EDC3: variants seen among roughly 807,000 people sequenced by gnomAD.
EDC3 encodes enhancer of mRNA decapping 3, also known as enhancer of mRNA-decapping protein 3.
A neutral mutation model predicts 41.8 loss-of-function variants in EDC3; 20 were observed. That is an observed-to-expected ratio of 0.48 (90% CI 0.34 to 0.70). The LOEUF is 0.70. Among genes scored for constraint, EDC3 ranks in the 30% least tolerant of loss-of-function variants. The pLI is 0.01. For missense variants in EDC3, 444 were observed against 636.8 expected, an observed-to-expected ratio of 0.70 and a Z score of 3.26; for synonymous variants, 206 against 243.2, an observed-to-expected ratio of 0.85 and a Z score of 1.42.
chr15:74,666,130 A>G (rs1168222737), intron 3 of EDC3, among the ~76,000 whole-genome samples: 1 of 152,162 alleles, frequency 6.6e-6, no homozygotes, highest in Non-Finnish European at 1.5e-5. Context: ...TCATCAATCT[A>G]CTAGTCTCAA....
At chr15:74,642,539 C>T (rs1320239568) in intron 4 of EDC3, 1 of 152,262 alleles carries the variant, frequency 6.6e-6, no homozygotes, top group Non-Finnish European at 1.5e-5. Context: ...ACCTGTCAGA[C>T]AAGTCATGCA....
intron 3 of EDC3, among the ~76,000 whole-genome samples, chr15:74,657,465 C>T (rs1489481460): frequency 1.3e-5 from 2 of 152,240 alleles, no homozygotes; most frequent in South Asian, 2.1e-4. Context: ...CTTGTTCTCT[C>T]GCACACTCCC....
At chr15:74,640,655 C>A (rs779715015) in intron 4 of EDC3, 36 bp from the exon 5 acceptor site, 1 of 1,613,518 alleles carries the variant, frequency 6.2e-7, no homozygotes, top group South Asian at 1.1e-5. Flanking sequence ...GGGAAAGTGA[C>A]TACAGAAACC....
At chr15:74,693,444 A>G (rs983184543) in intron 1 of EDC3, among the ~76,000 whole-genome samples, 1 of 152,166 alleles carries the variant, frequency 6.6e-6, no homozygotes, top group Admixed American at 6.5e-5. Flanking sequence ...TCTGGCAATC[A>G]CCAACCAAAT....
chr15:74,631,509 G>A lies in EDC3; in HGVS notation c.*1103C>T, dbSNP rs192154403. 1 of 152,388 alleles carries A rather than the reference G, an allele frequency of 6.6e-6. No homozygotes were observed. Among genetic ancestry groups the A allele is most frequent in the African/African-American group, 2.4e-5 (1 of 41,570 alleles). 9.4% of individuals were successfully genotyped at this position (152,388 alleles called of 1,614,324 possible). A position where few individuals can be genotyped will look rare whatever the true frequency, so the allele number is the denominator to read the frequency against. On this transcript the variant is annotated 3_prime_UTR_variant, in exon 7 of 7. Coordinates refer to ENST00000315127, the MANE Select transcript of EDC3 (RefSeq NM_025083.5). ...TTTGCCATCTTTGAGACAGGGTGCT[G>A]GCCCCAAGCCTACTCATCTAGACTG...
At chr15:74,694,127 T>C (rs1347824261) in intron 1 of EDC3, among the ~76,000 whole-genome samples, 1 of 152,210 alleles carries the variant, frequency 6.6e-6, no homozygotes, top group African/African-American at 2.4e-5. Flanking sequence ...TAGTAAGCCC[T>C]TCTCTGGATA....
intron 1 of EDC3, among the ~76,000 whole-genome samples, chr15:74,691,942 A>G (rs1567186022): frequency 1.3e-5 from 2 of 151,928 alleles, no homozygotes; most frequent in Non-Finnish European, 2.9e-5. Flanking sequence ...TCAGCCTCCC[A>G]AGTAGCTGGG....
chr15:74,691,090 T>C (rs1047046668), intron 1 of EDC3, among the ~76,000 whole-genome samples: 1 of 151,500 alleles, frequency 6.6e-6, no homozygotes, highest in African/African-American at 2.4e-5. Context: ...TGAGCCAAGA[T>C]TGCACCACTG....
chr15:74,633,695 C>T (rs1276803559), intron 6 of EDC3, among the ~76,000 whole-genome samples: 1 of 152,178 alleles, frequency 6.6e-6, no homozygotes, highest in Non-Finnish European at 1.5e-5. Context: ...ACTTAATGGT[C>T]GTTGAGACTT....
intron 6 of EDC3, 197 bp downstream of exon 6, chr15:74,635,212 T>C (rs573182585): frequency 1.1e-5 from 8 of 703,586 alleles, no homozygotes; most frequent in South Asian, 1.0e-4. Context: ...TCCCCAGCTC[T>C]TCATGTGAGT....
At chr15:74,685,914 T>A (rs1018258238) in intron 1 of EDC3, among the ~76,000 whole-genome samples, 1 of 152,238 alleles carries the variant, frequency 6.6e-6, no homozygotes. Flanking sequence ...ATGTCCTGAC[T>A]GAGTGTGGGG....
At chr15:74,689,231 T>G (rs2062973476) in intron 1 of EDC3, among the ~76,000 whole-genome samples, 1 of 152,212 alleles carries the variant, frequency 6.6e-6, no homozygotes, top group Non-Finnish European at 1.5e-5. Context: ...TGTATTACCA[T>G]CTACATTTAT....
chr15:74,678,005 T>A (rs2062825600), intron 1 of EDC3, among the ~76,000 whole-genome samples: 1 of 146,586 alleles, frequency 6.8e-6, no homozygotes, highest in Non-Finnish European at 1.5e-5. Flanking sequence ...AAAGGATACA[T>A]ACATACTATA....
chr15:74,657,332 G>A (rs147731355), intron 3 of EDC3, among the ~76,000 whole-genome samples: 38 of 152,308 alleles, frequency 2.5e-4, no homozygotes, highest in Non-Finnish European at 4.6e-4. Context: ...CTCCTGCACC[G>A]GCTCACATGT....
chr15:74,668,392 C>CAG (rs137920314), intron 3 of EDC3, among the ~76,000 whole-genome samples: 3,566 of 152,044 alleles, frequency 0.023, 143 homozygotes, highest in African/African-American at 0.082. Context: ...ACGTTAATAA[C>CAG]GGGGAAAAAT....
At chr15:74,635,115 A>T in intron 6 of EDC3, 1 of 605,412 alleles carries the variant, frequency 1.7e-6, no homozygotes, top group South Asian at 1.5e-5. Context: ...GCTCCACAGA[A>T]GAATGGATTT....
chr15:74,639,813 G>C (rs1325033448), intron 5 of EDC3: 1 of 152,090 alleles, frequency 6.6e-6, no homozygotes, highest in East Asian at 1.9e-4. Flanking sequence ...TGCTCCAGAA[G>C]GGTGACTGGT....
chr15:74,662,968 A>C (rs1461880818), intron 3 of EDC3, among the ~76,000 whole-genome samples: 1 of 152,226 alleles, frequency 6.6e-6, no homozygotes, highest in Non-Finnish European at 1.5e-5. Context: ...GTAGAAGGCC[A>C]GTTATCCTGG....
chr15:74,687,284 A>G (rs1397120311), intron 1 of EDC3: 5 of 152,214 alleles, frequency 3.3e-5, no homozygotes, highest in Non-Finnish European at 4.4e-5. Flanking sequence ...TTCTCTAGTG[A>G]TCTAACTGAG....
Sources: allele counts gnomAD v4.1 joint callset (sites outside exome capture counted in the v4.1 genomes callset), GRCh38; gene constraint gnomAD v4.1.1; transcripts MANE v1.5; gene names NCBI Gene and HGNC (gene_info 2026-07-23, HGNC 2026-07-21).